TENM2: variants seen among roughly 807,000 people sequenced by gnomAD.
TENM2 encodes teneurin transmembrane protein 2, also known as teneurin-2.
TENM2 carries 52 observed loss-of-function variants against 245.2 expected under a neutral mutation model. That is an observed-to-expected ratio of 0.21 (90% CI 0.17 to 0.27). TENM2 has a LOEUF of 0.27. TENM2 is among the 10% of genes least tolerant of loss of function. TENM2 has a pLI of 1.00. For synonymous variants in TENM2, 1,363 were observed against 1,438.9 expected, an observed-to-expected ratio of 0.95 and a Z score of 1.19; for missense variants, 3,046 against 3,666.8, an observed-to-expected ratio of 0.83 and a Z score of 4.37.
chr5:167,125,169 A>C, the TENM2 span, among the ~76,000 whole-genome samples: 1 of 152,230 alleles, frequency 6.6e-6, no homozygotes, highest in Non-Finnish European at 1.5e-5. Context: ...ATGTCAGTAG[A>C]GACATGGAGA....
intron 2 of TENM2, among the ~76,000 whole-genome samples, chr5:167,459,933 C>CACACAA (rs1329719019): frequency 6.6e-6 from 1 of 151,546 alleles, no homozygotes; most frequent in Non-Finnish European, 1.5e-5. Context: ...CACACACACA[C>CACACAA]ACGCACACAC....
At chr5:167,241,275 C>T in the TENM2 span, among the ~76,000 whole-genome samples, 9 of 152,122 alleles carry the variant, frequency 5.9e-5, no homozygotes, top group East Asian at 1.7e-3. Context: ...AAAACAATGG[C>T]ATGCAATAAT....
the TENM2 span, among the ~76,000 whole-genome samples, chr5:167,133,555 G>C: frequency 1.3e-5 from 2 of 149,556 alleles, no homozygotes; most frequent in Non-Finnish European, 2.9e-5. Context: ...ATTAATTATA[G>C]AGAATGCAAG....
In TENM2 at chr5:167,392,135, G is replaced by A. The variant is rs551751490; in HGVS notation, c.502+16662G>A. Among the ~76,000 whole-genome samples the A allele has an allele frequency of 7.9e-5, 12 of 152,182 alleles. No homozygotes were observed. The East Asian group carries it at 1.9e-3, about 25-fold the overall frequency. ...TCCTTTCCATTATTCTGTTTCAAAG[G>A]AGGCAAGACTGGCTGAGCCTCATCA... is the stretch of plus-strand genomic sequence containing the variant. On this transcript the variant is annotated intron_variant, in intron 2 of 28. Transcript: ENST00000518659.
At chr5:168,072,043 C>T (rs12188092) in intron 7 of TENM2, among the ~76,000 whole-genome samples, 20,886 of 152,202 alleles carry the variant, frequency 0.14, 1,664 homozygotes, top group African/African-American at 0.22. Context: ...ACTGGACACA[C>T]CCCCAGTTTG....
At chr5:168,007,662 T>C (rs568348813) in intron 5 of TENM2, among the ~76,000 whole-genome samples, 5 of 152,180 alleles carry the variant, frequency 3.3e-5, no homozygotes, top group Non-Finnish European at 7.4e-5. Flanking sequence ...ATTCCTTTCT[T>C]GACACACTGA....
rs574042297 is a variant in TENM2 at position 167,507,173 on chromosome 5, C to T, written c.502+131700C>T. ...TGCCTTGATTTCAGATAAATAGAAT[C>T]GTAGCTATCTCTCAAGGAATCAAAA... is the stretch of plus-strand genomic sequence containing the variant. On this transcript the variant is annotated intron_variant, in intron 2 of 28. Coordinates refer to ENST00000518659, the Ensembl canonical transcript of TENM2. Among the ~76,000 whole-genome samples, 33 of 152,190 alleles carry T rather than the reference C, an allele frequency of 2.2e-4. 1 individual carries two copies. The South Asian group carries it at 6.0e-3, about 28-fold the overall frequency.
At chr5:167,638,090 GGTGTGTGTGTGTGTGTGTGTGT>G (rs70976439) in intron 2 of TENM2, among the ~76,000 whole-genome samples, 31 of 137,688 alleles carry the variant, frequency 2.3e-4, no homozygotes, top group East Asian at 6.7e-4. Context: ...GAACAGGGCA[GGTGTGTGTGTGTGTGTGTGTGT>G]GTGTGTGTGT....
chr5:167,117,964 C>T, the TENM2 span, among the ~76,000 whole-genome samples: 1 of 152,170 alleles, frequency 6.6e-6, no homozygotes, highest in Admixed American at 6.5e-5. Context: ...ACATCCACAC[C>T]ATGGGCAAAG....
the TENM2 span, among the ~76,000 whole-genome samples, chr5:167,219,188 G>A: frequency 6.6e-6 from 1 of 152,058 alleles, no homozygotes; most frequent in African/African-American, 2.4e-5. Flanking sequence ...TAATCCTAGC[G>A]TTTTGGAAGG....
chr5:167,092,320 G>A, the TENM2 span, among the ~76,000 whole-genome samples: 1 of 151,658 alleles, frequency 6.6e-6, no homozygotes, highest in Non-Finnish European at 1.5e-5. Context: ...CGTCGGCAGA[G>A]TTGAGTGATT....
the TENM2 span, among the ~76,000 whole-genome samples, chr5:167,153,289 A>G: frequency 1.3e-5 from 2 of 152,124 alleles, no homozygotes; most frequent in Non-Finnish European, 2.9e-5. Flanking sequence ...CACGTATTTC[A>G]TGTTATATAT....
At chr5:167,881,200 T>C (rs1273176928) in intron 3 of TENM2, among the ~76,000 whole-genome samples, 1 of 152,222 alleles carries the variant, frequency 6.6e-6, no homozygotes, top group African/African-American at 2.4e-5. Context: ...ATGCACATTG[T>C]AATTTAATTT....
rs1279932887 is a variant in TENM2, at chr5:167,690,287, A to T, written c.503-185699A>T. Among the ~76,000 whole-genome samples the T allele has an allele frequency of 2.0e-5, 3 of 150,478 alleles. No individual in the cohort carries two copies. In the East Asian group the frequency reaches 5.8e-4, roughly 29 times the overall value. On this transcript the variant is annotated intron_variant, in intron 2 of 28. Coordinates refer to ENST00000518659, the Ensembl canonical transcript of TENM2. ...GTTATATTTTTATTTACTTTTATGTATTTTTTTTTAAGTTTAACAGAAGAG... is the reference window on the plus strand; with the variant it reads ...GTTATATTTTTATTTACTTTTATGTTTTTTTTTTTAAGTTTAACAGAAGAG...
At chr5:167,335,044 G>A (rs1416328819) in intron 1 of TENM2, among the ~76,000 whole-genome samples, 2 of 152,124 alleles carry the variant, frequency 1.3e-5, no homozygotes, top group Non-Finnish European at 1.5e-5. Context: ...ACATTGCTAT[G>A]AAGAAATACC....
chr5:167,975,931 G>T (rs1409240758), intron 4 of TENM2, among the ~76,000 whole-genome samples: 2 of 151,890 alleles, frequency 1.3e-5, no homozygotes, highest in Non-Finnish European at 2.9e-5. Flanking sequence ...AAAAGGAGTG[G>T]CAGCTTTCTT....
intron 2 of TENM2, among the ~76,000 whole-genome samples, chr5:167,859,602 A>G (rs1344315372): frequency 2.7e-5 from 2 of 73,084 alleles, no homozygotes; most frequent in Non-Finnish European, 5.3e-5. Flanking sequence ...TCCGGGAGGG[A>G]GGTGGGGGGG....
chr5:168,024,028 T>C (rs371618388), intron 5 of TENM2, among the ~76,000 whole-genome samples: 7 of 152,286 alleles, frequency 4.6e-5, no homozygotes, highest in African/African-American at 1.4e-4. Context: ...TATGCATTTA[T>C]AGATGGATAG....
chr5:168,232,765 G>A (rs1562314137), intron 25 of TENM2, among the ~76,000 whole-genome samples: 10 of 152,206 alleles, frequency 6.6e-5, no homozygotes, highest in Admixed American at 3.9e-4. Flanking sequence ...TCCAGACGGA[G>A]GCATCTCTTA....
Sources: gnomAD v4.1 joint callset for allele counts (sites outside exome capture counted in the v4.1 genomes callset) on GRCh38, gnomAD v4.1.1 for gene constraint, MANE v1.5 for transcripts, NCBI Gene and HGNC (gene_info 2026-07-23, HGNC 2026-07-21) for gene names.